ZNF536: variants seen among roughly 807,000 people sequenced by gnomAD.
ZNF536 encodes the protein zinc finger protein 536.
ZNF536 carries 13 observed loss-of-function variants against 84.5 expected under a neutral mutation model. The ratio of observed to expected loss-of-function variants is 0.15; its 90% confidence interval spans 0.10 to 0.24. The LOEUF is 0.24. ZNF536 is among the 10% of genes least tolerant of loss of function. The pLI, the probability that ZNF536 is intolerant of heterozygous loss-of-function variation, is 1.00. For synonymous variants in ZNF536, 811 were observed against 742.5 expected (o/e 1.09, Z -1.50); for missense variants, 1,536 against 1,747.5 (o/e 0.88, Z 2.16).
chr19:30,608,940 C>T (rs923284628), intron 1 of ZNF536, among the ~76,000 whole-genome samples: 1 of 152,118 alleles, frequency 6.6e-6, no homozygotes, highest in African/African-American at 2.4e-5. Flanking sequence ...ACTCTCATCT[C>T]GAAGCCAGGA....
At chr19:30,359,676 T>A (rs1207210994) in intron 3 of ZNF536, among the ~76,000 whole-genome samples, 1 of 151,798 alleles carries the variant, frequency 6.6e-6, no homozygotes, top group Non-Finnish European at 1.5e-5. Flanking sequence ...TCCATCCTTG[T>A]GGGCAGTTGG....
chr19:30,696,588 G>A (rs569011304), intron 1 of ZNF536, among the ~76,000 whole-genome samples: 3 of 152,340 alleles, frequency 2.0e-5, no homozygotes, highest in East Asian at 1.9e-4. Context: ...CCACCCAGGC[G>A]GGCTGATGGC....
chr19:30,304,777 C>A (rs1000823147), intron 2 of ZNF536, among the ~76,000 whole-genome samples: 1 of 152,188 alleles, frequency 6.6e-6, no homozygotes, highest in African/African-American at 2.4e-5. Context: ...AACTGCCCCA[C>A]GTGGACCACT....
At chr19:30,665,550 A>C (rs947405502) in intron 1 of ZNF536, 2 of 152,228 alleles carry the variant, frequency 1.3e-5, no homozygotes, top group African/African-American at 4.8e-5. Context: ...GTTTCACAGG[A>C]AAATCACCTT....
At chr19:30,453,639 A>T (rs908915081) in intron 2 of ZNF536, among the ~76,000 whole-genome samples, 1 of 152,170 alleles carries the variant, frequency 6.6e-6, no homozygotes, top group Admixed American at 6.5e-5. Context: ...AAGCACAGAG[A>T]TTTGCTACCA....
intron 1 of ZNF536, among the ~76,000 whole-genome samples, chr19:30,383,699 TTCTC>T (rs1171922418): frequency 1.1e-4 from 1 of 9,474 alleles, no homozygotes; most frequent in Admixed American, 1.3e-3. Context: ...TTTCTTTTCT[TTCTC>T]TTTCTTTCTT....
At chr19:30,479,439 C>T (rs2053981111) in intron 2 of ZNF536, among the ~76,000 whole-genome samples, 1 of 152,238 alleles carries the variant, frequency 6.6e-6, no homozygotes, top group Non-Finnish European at 1.5e-5. Flanking sequence ...TGGGAAACTG[C>T]TTCCAGCAAC....
At chr19:30,587,595 T>C (rs1156681794) in intron 1 of ZNF536, among the ~76,000 whole-genome samples, 1 of 152,178 alleles carries the variant, frequency 6.6e-6, no homozygotes, top group East Asian at 1.9e-4. Context: ...CAGCATGCCA[T>C]CACTCATACC....
chr19:30,432,978 T>G (rs1180569558), intron 1 of ZNF536, among the ~76,000 whole-genome samples: 1 of 152,218 alleles, frequency 6.6e-6, no homozygotes, highest in African/African-American at 2.4e-5. Flanking sequence ...GTGCATGTTA[T>G]GTTCTTCCTC....
chr19:30,444,811 G>C lies in ZNF536; in HGVS notation c.1249G>C (p.Gly417Arg), dbSNP rs1433897311. Residue 417 changes from glycine (G) to arginine (R), a missense_variant, in exon 2 of 5, where the codon GGC (glycine) becomes CGC (arginine). Around this residue, in one of 8 missense-constraint regions of ZNF536, gnomAD observed 366 missense variants for 364.4 expected, o/e 1.00. Coordinates refer to ENST00000355537, the MANE Select transcript of ZNF536 (RefSeq NM_014717.3). ...SDPEVPVPMGGMSQEAHANLY... is the reference protein window; with the variant it reads ...SDPEVPVPMGRMSQEAHANLY... ...CCCCGAGGTGCCTGTGCCCATGGGC[G>C]GCATGTCCCAGGAGGCCCACGCCAA... 14 of 1,613,742 alleles carry C rather than the reference G, an allele frequency of 8.7e-6. No homozygotes were observed. Among genetic ancestry groups the C allele is most frequent in the Non-Finnish European group, 1.2e-5 (14 of 1,180,054 alleles).
intron 3 of ZNF536, among the ~76,000 whole-genome samples, chr19:30,543,115 C>G (rs913683613): frequency 6.6e-6 from 1 of 152,204 alleles, no homozygotes; most frequent in African/African-American, 2.4e-5. Flanking sequence ...CTGGCCGAGA[C>G]TTTTCTTGGA....
At chr19:30,661,487 G>A (rs150959983) in intron 1 of ZNF536, among the ~76,000 whole-genome samples, 6 of 152,250 alleles carry the variant, frequency 3.9e-5, no homozygotes, top group African/African-American at 1.4e-4. Context: ...ATATAAATAG[G>A]TGCAAGCTTT....
chr19:30,356,188 C>T (rs922947225), intron 3 of ZNF536, among the ~76,000 whole-genome samples: 2 of 152,254 alleles, frequency 1.3e-5, no homozygotes, highest in African/African-American at 4.8e-5. Flanking sequence ...CATGGTTGTC[C>T]AGCCTTCTAT....
chr19:30,430,585 C>T (rs1227055327), intron 1 of ZNF536, among the ~76,000 whole-genome samples: 5 of 152,154 alleles, frequency 3.3e-5, no homozygotes, highest in African/African-American at 1.2e-4. Flanking sequence ...TTAATTTCTC[C>T]CAAGATTACT....
rs368093137 is a variant in ZNF536, at chr19:30,248,481, T to C, written c.-190+19808T>C. ...CTCGTCTCGCACTTCTGGCCTCAAG[T>C]AATCTACCCACCCGCACCTCCCAAA... On this transcript the variant is annotated intron_variant, in intron 1 of 5. Coordinates refer to the ZNF536 transcript ENST00000585628. Among the ~76,000 whole-genome samples the C allele has an allele frequency of 5.9e-4, 90 of 151,336 alleles. 1 individual carries two copies. Among genetic ancestry groups the C allele is most frequent in the Middle Eastern group, 3.4e-3 (1 of 292 alleles).
intron 3 of ZNF536, among the ~76,000 whole-genome samples, chr19:30,356,805 T>C (rs374345852): frequency 6.6e-6 from 1 of 152,320 alleles, no homozygotes; most frequent in African/African-American, 2.4e-5. Context: ...TAGCAGGTAG[T>C]AGATAGTATG....
At chr19:30,686,774 C>A (rs2051203367) in intron 1 of ZNF536, among the ~76,000 whole-genome samples, 1 of 152,102 alleles carries the variant, frequency 6.6e-6, no homozygotes, top group African/African-American at 2.4e-5. Context: ...TCGGCTCAGG[C>A]CAGCCCTCCC....
intron 2 of ZNF536, among the ~76,000 whole-genome samples, chr19:30,290,289 T>C (rs1387984315): frequency 6.6e-6 from 1 of 152,198 alleles, no homozygotes; most frequent in African/African-American, 2.4e-5. Flanking sequence ...GCTTTTCTTT[T>C]ATTTTGGGAC....
chr19:30,666,656 G>T (rs929324325), intron 1 of ZNF536, among the ~76,000 whole-genome samples: 3 of 152,030 alleles, frequency 2.0e-5, no homozygotes, highest in Non-Finnish European at 4.4e-5. Flanking sequence ...TAAGGCGGGA[G>T]CTGGAAACCT....
Sources: gnomAD v4.1 joint callset for allele counts (sites outside exome capture counted in the v4.1 genomes callset) on GRCh38, gnomAD v4.1.1 for gene constraint, gnomAD v4.1.1 regional missense constraint, MANE v1.5 for transcripts, NCBI Gene and HGNC (gene_info 2026-07-23, HGNC 2026-07-21) for gene names.